Variants in CLUH observed in about 807,000 individuals in gnomAD.
The protein encoded by CLUH is CLUH binding protein of NUMT mRNA.
Under a neutral mutation model 139.3 loss-of-function variants are expected in CLUH, and 77 were observed. The ratio of observed to expected loss-of-function variants is 0.55; its 90% CI spans 0.46 to 0.67. The LOEUF (loss-of-function observed/expected upper bound fraction) is 0.67. Ranked by LOEUF, CLUH falls within the 30% of genes least tolerant of loss-of-function variation. The pLI, the probability that CLUH is intolerant of heterozygous loss-of-function variation, is 0.00. For missense variants in CLUH, 1,876 were observed against 1,875.8 expected (o/e 1.00, Z 0.00); for synonymous variants, 999 against 801.6 (o/e 1.25, Z -4.16).
At chr17:2,701,762 A>G in intron 4 of CLUH, 25 bp from the exon 5 acceptor site, 1 of 1,553,306 alleles carries the variant, frequency 6.4e-7, no homozygotes, top group African/African-American at 1.4e-5. Flanking sequence ...GCTGGTGGTC[A>G]GCACAGGGCC....
intron 15 of CLUH, 56 bp downstream of exon 15, chr17:2,695,162 G>A (rs377298481): frequency 3.2e-5 from 52 of 1,613,416 alleles, no homozygotes; most frequent in Middle Eastern, 3.3e-4. Context: ...GCTCTTTCCC[G>A]ACGCCCCACA....
chr17:2,694,617 A>G (rs1295828266), intron 16 of CLUH, 53 bp from the exon 17 acceptor site: 1 of 1,479,162 alleles, frequency 6.8e-7, no homozygotes. Flanking sequence ...GGCCCCCCCA[A>G]CACCGCCCCA....
chr17:2,697,846 G>GCACTC, intron 10 of CLUH, 50 bp downstream of exon 10: 1 of 1,430,560 alleles, frequency 7.0e-7, no homozygotes, highest in Non-Finnish European at 9.2e-7. Flanking sequence ...CAGGGCGCCC[G>GCACTC]CACTCCCTGC....
chr17:2,700,999 C>T lies in CLUH; in HGVS notation c.1025+141G>A, dbSNP rs1162798558. The stretch of plus-strand genomic sequence containing the variant: ...CTGCGGCTGCTGTCTCGGCACTGGC[C>T]GACAGCTCCCTAGAGCGGGGACTCC... On this transcript the variant is annotated intron_variant, in intron 7 of 25. Coordinates refer to ENST00000651024, the MANE Select transcript of CLUH (RefSeq NM_001366661.1). 11 of 1,475,802 alleles carry T rather than the reference C, an allele frequency of 7.5e-6. No homozygotes were observed. In the Admixed American group the frequency reaches 8.1e-5, roughly 11 times the overall value. 91.4% of individuals were successfully genotyped at this position (1,475,802 alleles called of 1,614,324 possible). A position where few individuals can be genotyped will look rare whatever the true frequency, so the allele number is the denominator to read the frequency against.
At position 2,701,368 on chromosome 17, in the gene CLUH, A is replaced by G; in HGVS notation, c.897T>C (p.Asn299=). 1 of 1,606,850 alleles carries G rather than the reference A, an allele frequency of 6.2e-7. No homozygotes were observed. The highest frequency in any genetic ancestry group is 1.3e-5 in the African/African-American group (1 of 74,914). ...ITASTRGFYL[N]QSTAYHFNPK... ...GTGGTGGGCTGGCAGGGACTCACTG[A>G]TTCAGGTAAAAGCCCCGTGTGGACG... The change falls in exon 6 of 26, where the codon AAT becomes AAC. Residue 299 remains asparagine (N), a splice_region_variant and synonymous_variant. Coordinates refer to ENST00000651024, the MANE Select transcript of CLUH (RefSeq NM_001366661.1).
intron 1 of CLUH, among the ~76,000 whole-genome samples, chr17:2,710,603 C>T (rs192505032): frequency 4.7e-4 from 72 of 152,194 alleles, no homozygotes; most frequent in African/African-American, 1.3e-3. Context: ...AGGAAGATGA[C>T]GACTGAGGGC....
intron 15 of CLUH, 51 bp downstream of exon 15, chr17:2,695,167 C>T: frequency 1.2e-6 from 2 of 1,613,684 alleles, no homozygotes; most frequent in Non-Finnish European, 1.7e-6. Flanking sequence ...TTCCCGACGC[C>T]CCACACCACC....
At chr17:2,698,623 C>T (rs1158949409) in intron 9 of CLUH, 33 bp from the exon 10 acceptor site, 2 of 1,522,942 alleles carry the variant, frequency 1.3e-6, no homozygotes, top group East Asian at 2.4e-5. Flanking sequence ...GGGTTAGAGG[C>T]CGCGCCCACA....
At chr17:2,711,510 C>A (rs2151730033) in intron 1 of CLUH, 52 bp downstream of exon 1, 1 of 466,960 alleles carries the variant, frequency 2.1e-6, no homozygotes, top group African/African-American at 2.1e-5. Flanking sequence ...AACCCGCCCG[C>A]CCTGGTCCGG....
rs1338922200 is a variant in CLUH at position 2,691,661 on chromosome 17, T to C, written c.3811A>G (p.Ser1271Gly). ...ATGACGTTCAGCTGCTCCAAGACGC[T>C]GGCCATGCTGGGGGCCGTGAACTGC... ...PLKFTAPSMA[S>G]VLEQLNVING... The change falls in exon 25 of 26, where the codon AGC becomes GGC. Residue 1271 changes from serine (S) to glycine (G), a missense_variant. Coordinates refer to ENST00000651024, the MANE Select transcript of CLUH (RefSeq NM_001366661.1). The C allele has an allele frequency of 1.9e-6, 3 of 1,611,988 alleles. No homozygotes were observed. The highest frequency in any genetic ancestry group is 8.5e-7 in the Non-Finnish European group (1 of 1,179,060).
chr17:2,704,085 C>T lies in CLUH; in HGVS notation c.303+277G>A, dbSNP rs968505556. 6.6e-6 allele frequency among the ~76,000 whole-genome samples: 1 copy of T among 152,076 alleles called. No homozygotes were observed. Among genetic ancestry groups the T allele is most frequent in the African/African-American group, 2.4e-5 (1 of 41,398 alleles). On this transcript the variant is annotated intron_variant, in intron 2 of 25. Transcript: ENST00000651024. The surrounding 1 kb of genome is among the most constrained non-coding windows in gnomAD (Gnocchi z 5.7). ...GCACAGAGCAAGAGGCTGGGGAGTCCTGGGATGCCAACACTTCCCAGCCAC... is the reference window on the plus strand; with the variant it reads ...GCACAGAGCAAGAGGCTGGGGAGTCTTGGGATGCCAACACTTCCCAGCCAC...
intron 23 of CLUH, 41 bp from the exon 24 acceptor site, chr17:2,691,936 CGCGGCCCCG>C (rs1567575419): frequency 1.7e-5 from 19 of 1,125,206 alleles, no homozygotes; most frequent in South Asian, 1.2e-4. Flanking sequence ...CCCGTGCCCC[CGCGGCCCCG>C]CCCCCGCCCC....
Position 2,711,633 on chromosome 17 carries a change from G to T in CLUH, c.29C>A (p.Ala10Glu), listed in dbSNP as rs2070527639. The T allele has an allele frequency of 1.0e-6, 1 of 984,410 alleles. No homozygotes were observed. The highest frequency in any genetic ancestry group is 1.7e-5 in the African/African-American group (1 of 57,206). The allele number at this position is 984,410 out of a possible 1,614,324, so 61.0% of individuals were successfully genotyped here. The change falls in exon 1 of 26, where the codon GCG becomes GAG. Residue 10 changes from alanine (A) to glutamate (E), a missense_variant. This residue lies in a region of CLUH where 152 missense variants were observed against 136.7 expected (regional missense o/e 1.11). Coordinates refer to ENST00000651024, the MANE Select transcript of CLUH (RefSeq NM_001366661.1). Reference sequence around the variant, plus strand: ...CCGGGCGCTGTCGGCCGGGGCGGCCGCCGGCAACTCGTCCGTCTTGATAAC... The same window carrying T: ...CCGGGCGCTGTCGGCCGGGGCGGCCTCCGGCAACTCGTCCGTCTTGATAAC... MVIKTDELP[A>E]AAPADSAREH...
At chr17:2,700,884 G>A (rs1302476238) in intron 7 of CLUH, 59 bp from the exon 8 acceptor site, 22 of 1,499,286 alleles carry the variant, frequency 1.5e-5, no homozygotes, top group African/African-American at 2.8e-5. Context: ...GCCCTTCCAC[G>A]GGCCCCTTTT....
At position 2,696,513 on chromosome 17, in the gene CLUH, G is replaced by T. The variant is rs1419736167; in HGVS notation, c.2211C>A (p.Ile737=). ...GTADPRSREV[I]RNACKAVGSI... ...AGCCGACCGCCTTGCACGCGTTGCG[G>T]ATCACCTCCCGGCTCCGAGGGTCTG... is the stretch of plus-strand genomic sequence containing the variant. Residue 737 remains isoleucine (I), a synonymous_variant, in exon 12 of 26, where the codon ATC becomes ATA. Coordinates refer to ENST00000651024, the MANE Select transcript of CLUH (RefSeq NM_001366661.1). 5.1e-6 allele frequency: 8 copies of T among 1,583,448 alleles called. No individual in the cohort carries two copies. Among genetic ancestry groups the T allele is most frequent in the South Asian group, 1.1e-5 (1 of 87,032 alleles).
Position 2,694,226 on chromosome 17 carries a change from G to C in CLUH, c.2988C>G (p.Thr996=), listed in dbSNP as rs754412026. 6.2e-6 allele frequency: 10 copies of C among 1,612,016 alleles called. No homozygotes were observed. Among genetic ancestry groups the C allele is most frequent in the South Asian group, 2.2e-5 (2 of 90,726 alleles). ...GGAAGATGTTGAGCACGTCCTCCTC[G>C]GTGAACGCGGGCTTGTGGCGACTGT... The part of the protein sequence containing the change: ...SFDSRHKPAF[T]EEDVLNIFPV... The change falls in exon 18 of 26, where the codon ACC becomes ACG. Residue 996 remains threonine (T), a synonymous_variant. Coordinates refer to ENST00000651024, the MANE Select transcript of CLUH (RefSeq NM_001366661.1).
chr17:2,698,612 A>G, intron 9 of CLUH, 22 bp from the exon 10 acceptor site: 4 of 1,555,738 alleles, frequency 2.6e-6, no homozygotes, highest in Non-Finnish European at 3.5e-6. Flanking sequence ...CGAGGAGGGC[A>G]GGGTTAGAGG....
rs1567576151 is a variant in CLUH at position 2,691,984 on chromosome 17, GCCAC to G, written c.3654+16_3654+19del. 2 of 486,936 alleles carry G rather than the reference GCCAC, an allele frequency of 4.1e-6. No homozygotes were observed. The highest frequency in any genetic ancestry group is 5.6e-5 in the South Asian group (1 of 17,960). The allele number at this position is 486,936 out of a possible 1,614,324, so 30.2% of individuals were successfully genotyped here. On this transcript the variant is annotated intron_variant, in intron 23 of 25. Coordinates refer to ENST00000651024, the MANE Select transcript of CLUH (RefSeq NM_001366661.1). ...ACGCCCCCGCCCCGCCCCCGCCCCC[GCCAC>G]GCCCCCGCCGCGCACCTGCGTCTTG... is the stretch of plus-strand genomic sequence containing the variant.
At chr17:2,697,683 G>C (rs574345653) in intron 10 of CLUH, among the ~76,000 whole-genome samples, 2 of 152,172 alleles carry the variant, frequency 1.3e-5, no homozygotes, top group East Asian at 3.9e-4. Flanking sequence ...CACATTACCC[G>C]CCTGGCTGCT....
Sources: gnomAD v4.1 joint callset for allele counts (sites outside exome capture counted in the v4.1 genomes callset) on GRCh38, gnomAD v4.1.1 for gene constraint, gnomAD v4.1.1 regional missense constraint, Gnocchi (gnomAD v3.1) non-coding constraint, MANE v1.5 for transcripts, NCBI Gene and HGNC (gene_info 2026-07-23, HGNC 2026-07-21) for gene names.